Variants in CRACR2A observed in about 807,000 individuals in gnomAD.
The protein encoded by CRACR2A is EF-hand calcium-binding domain-containing protein 4B.
Under a neutral mutation model 90.5 loss-of-function variants are expected in CRACR2A, and 79 were observed. That is an observed-to-expected ratio of 0.87 (90% CI 0.73 to 1.05). The LOEUF (loss-of-function observed/expected upper bound fraction) is 1.05, where lower values mean the gene tolerates loss of function less well. CRACR2A is among the 50% of genes least tolerant of loss of function. The pLI is 0.00. For synonymous variants in CRACR2A, 338 were observed against 356.7 expected, an observed-to-expected ratio of 0.95 and a Z score of 0.59; for missense variants, 823 against 897.2, an observed-to-expected ratio of 0.92 and a Z score of 1.06.
At position 3,717,517 on chromosome 12, in the gene CRACR2A, C is replaced by T. The variant is rs530426153; in HGVS notation, c.-117-4200G>A. 7.9e-5 allele frequency among the ~76,000 whole-genome samples: 12 copies of T among 152,236 alleles called. No individual in the cohort carries two copies. The South Asian group carries it at 2.3e-3, about 29-fold the overall frequency. ...ATATTGCAGGCCTACCACTGCGATC[C>T]GGGCTAGGGTAAGCTCCCTGGACAC... On this transcript the variant is annotated intron_variant, in intron 2 of 19. Transcript: ENST00000440314.
intron 2 of CRACR2A, chr12:3,730,227 G>A (rs149427753): frequency 6.6e-6 from 1 of 152,332 alleles, no homozygotes; most frequent in East Asian, 1.9e-4. Context: ...ATGAGTACAT[G>A]AGTGATTTCC....
At chr12:3,737,803 T>C (rs1946468692) in intron 1 of CRACR2A, among the ~76,000 whole-genome samples, 1 of 152,228 alleles carries the variant, frequency 6.6e-6, no homozygotes, top group Non-Finnish European at 1.5e-5. Context: ...ACATATCCTT[T>C]GAATTCCAAG....
At chr12:3,659,397 T>A (rs2137497607) in intron 8 of CRACR2A, among the ~76,000 whole-genome samples, 167 bp downstream of exon 8, 1 of 152,152 alleles carries the variant, frequency 6.6e-6, no homozygotes, top group South Asian at 2.1e-4. Context: ...TAAACAAGGA[T>A]ATTACATGTC....
At chr12:3,671,379 A>G (rs1945239625) in intron 7 of CRACR2A, among the ~76,000 whole-genome samples, 1 of 152,124 alleles carries the variant, frequency 6.6e-6, no homozygotes, top group Non-Finnish European at 1.5e-5. Context: ...CCCTTATTTT[A>G]TAGATAGGAA....
intron 7 of CRACR2A, among the ~76,000 whole-genome samples, chr12:3,665,637 G>C (rs922141287): frequency 6.6e-6 from 1 of 152,200 alleles, no homozygotes; most frequent in Non-Finnish European, 1.5e-5. Context: ...AGCTCCTTCA[G>C]ATGTCAGCCA....
chr12:3,677,530 A>G (rs242029), intron 6 of CRACR2A, among the ~76,000 whole-genome samples: 84,069 of 151,806 alleles, frequency 0.55, 23,480 homozygotes, highest in Middle Eastern at 0.72. Context: ...AGGGCTGGGC[A>G]GAGAGGCCCC....
chr12:3,697,960 C>T (rs1177166459), intron 3 of CRACR2A, among the ~76,000 whole-genome samples: 1 of 152,162 alleles, frequency 6.6e-6, no homozygotes, highest in African/African-American at 2.4e-5. Context: ...TTCTGGACTC[C>T]ACTGCTGCTT....
intron 15 of CRACR2A, among the ~76,000 whole-genome samples, chr12:3,632,231 C>T (rs1424278328): frequency 6.6e-6 from 1 of 152,172 alleles, no homozygotes; most frequent in Non-Finnish European, 1.5e-5. Context: ...CTGTAAGTTT[C>T]CCAAGGCCTC....
chr12:3,644,561 G>T (rs1345710445), intron 12 of CRACR2A, 34 bp downstream of exon 12: 1 of 1,549,116 alleles, frequency 6.5e-7, no homozygotes, highest in African/African-American at 1.4e-5. Context: ...ACAGCCCTTG[G>T]TCCCCCACAG....
At chr12:3,721,613 C>T (rs1006623241) in intron 2 of CRACR2A, among the ~76,000 whole-genome samples, 5 of 144,328 alleles carry the variant, frequency 3.5e-5, no homozygotes, top group South Asian at 2.2e-4. Flanking sequence ...GTGAGTGAAA[C>T]GTTATTCTTC....
At chr12:3,656,456 G>C in intron 8 of CRACR2A, 50 bp from the exon 9 acceptor site, 1 of 1,579,248 alleles carries the variant, frequency 6.3e-7, no homozygotes, top group Non-Finnish European at 8.7e-7. Context: ...AGCACACCCG[G>C]GTTATAGATT....
At chr12:3,726,592 G>C (rs1262556811) in intron 2 of CRACR2A, 7 of 152,034 alleles carry the variant, frequency 4.6e-5, no homozygotes, top group Admixed American at 4.6e-4. Flanking sequence ...CAGGAAGAAG[G>C]AAATAACCTT....
intron 10 of CRACR2A, among the ~76,000 whole-genome samples, chr12:3,650,928 C>G: frequency 6.6e-6 from 1 of 152,172 alleles, no homozygotes; most frequent in African/African-American, 2.4e-5. Context: ...TATATACACA[C>G]ATATATTCAG....
chr12:3,674,166 G>A (rs1945302122), intron 6 of CRACR2A, among the ~76,000 whole-genome samples: 2 of 152,210 alleles, frequency 1.3e-5, no homozygotes, highest in South Asian at 4.1e-4. Flanking sequence ...CCATGTGATG[G>A]ATGGCAGAAA....
chr12:3,629,725 A>T (rs572137298), intron 15 of CRACR2A, among the ~76,000 whole-genome samples: 1 of 151,692 alleles, frequency 6.6e-6, no homozygotes, highest in African/African-American at 2.4e-5. Context: ...TGCTGTGGTG[A>T]GCTTGGTGAG....
intron 17 of CRACR2A, among the ~76,000 whole-genome samples, chr12:3,619,953 G>A (rs1287591580): frequency 6.6e-6 from 1 of 152,272 alleles, no homozygotes; most frequent in African/African-American, 2.4e-5. Flanking sequence ...TGCCTTGCTG[G>A]AGGCTGGCAC....
chr12:3,636,115 G>A (rs1944449942), intron 14 of CRACR2A, among the ~76,000 whole-genome samples: 1 of 152,100 alleles, frequency 6.6e-6, no homozygotes. Flanking sequence ...GCATTCTTGA[G>A]TTAAATCTTT....
At chr12:3,752,175 C>T (rs1946716162) in intron 1 of CRACR2A, among the ~76,000 whole-genome samples, 1 of 152,190 alleles carries the variant, frequency 6.6e-6, no homozygotes, top group Non-Finnish European at 1.5e-5. Flanking sequence ...AGAACGAATT[C>T]CTTTGAGACT....
intron 3 of CRACR2A, among the ~76,000 whole-genome samples, chr12:3,702,624 A>G (rs1945851397): frequency 1.3e-5 from 2 of 152,260 alleles, no homozygotes; most frequent in Non-Finnish European, 2.9e-5. Flanking sequence ...TAAAATATCA[A>G]TGAGAATACA....
Sources: gnomAD v4.1 joint callset for allele counts (sites outside exome capture counted in the v4.1 genomes callset) on GRCh38, gnomAD v4.1.1 for gene constraint, MANE v1.5 for transcripts, NCBI Gene and HGNC (gene_info 2026-07-23, HGNC 2026-07-21) for gene names.